The following NTM variants were observed in gnomAD, a reference collection of about 807,000 sequenced individuals.
NTM encodes the protein IgLON family member 2.
In NTM, 13 loss-of-function variants were observed where a neutral mutation model predicts 42.1. The observed-to-expected ratio is 0.31, with a 90% CI of 0.20 to 0.49. NTM has a LOEUF of 0.49. Among genes scored for constraint, NTM ranks in the 20% least tolerant of loss-of-function variants. The pLI, the probability that NTM is intolerant of heterozygous loss-of-function variation, is 0.99. For synonymous variants in NTM, 187 were observed against 179.2 expected (o/e 1.04, Z -0.35); for missense variants, 373 against 452.8 (o/e 0.82, Z 1.60).
intron 2 of NTM, among the ~76,000 whole-genome samples, chr11:132,089,546 C>T (rs1056944565): frequency 1.2e-4 from 18 of 152,154 alleles, no homozygotes; most frequent in African/African-American, 3.9e-4. Context: ...AATCATCAGT[C>T]TCTTCAATTA....
At chr11:131,897,989 A>C (rs2052570758) in intron 1 of NTM, among the ~76,000 whole-genome samples, 1 of 152,180 alleles carries the variant, frequency 6.6e-6, no homozygotes, top group Non-Finnish European at 1.5e-5. Flanking sequence ...TCATTTCTCA[A>C]ATATTTCGGA....
At chr11:131,757,114 G>A (rs781191920) in intron 1 of NTM, among the ~76,000 whole-genome samples, 1 of 152,176 alleles carries the variant, frequency 6.6e-6, no homozygotes, top group African/African-American at 2.4e-5. Flanking sequence ...CAAGGAAAGG[G>A]GCGTCATCTC....
intron 1 of NTM, among the ~76,000 whole-genome samples, chr11:131,833,520 T>C (rs2043089934): frequency 6.6e-6 from 1 of 152,188 alleles, no homozygotes; most frequent in African/African-American, 2.4e-5. Flanking sequence ...TGGAAGACAC[T>C]CATGGGGGAA....
At chr11:131,457,489 A>T (rs116767791) in intron 1 of NTM, among the ~76,000 whole-genome samples, 29 of 152,312 alleles carry the variant, frequency 1.9e-4, no homozygotes, top group Admixed American at 6.5e-4. Flanking sequence ...TCTTCCTCTG[A>T]GGAAGATGGG....
chr11:132,041,271 G>C (rs950177219), intron 2 of NTM, among the ~76,000 whole-genome samples: 2 of 151,618 alleles, frequency 1.3e-5, no homozygotes, highest in African/African-American at 4.8e-5. Flanking sequence ...GTGAGAAGTG[G>C]TTTGTTTTGG....
At chr11:131,425,829 T>A (rs1331500804) in intron 1 of NTM, among the ~76,000 whole-genome samples, 1 of 152,132 alleles carries the variant, frequency 6.6e-6, no homozygotes, top group Non-Finnish European at 1.5e-5. Flanking sequence ...TTTTGGTAGC[T>A]TAATGGGTCT....
At position 131,556,561 on chromosome 11, in the gene NTM, G is replaced by C. The variant is rs930026956; in HGVS notation, c.82+185673G>C. Among the ~76,000 whole-genome samples the C allele has an allele frequency of 3.0e-5, 4 of 133,760 alleles. No homozygotes were observed. In the East Asian group the frequency reaches 9.3e-4, roughly 31 times the overall value. The allele number at this position is 133,760 out of a possible 152,430, so 87.8% of individuals were successfully genotyped here. A position where few individuals can be genotyped will look rare whatever the true frequency, so the allele number is the denominator to read the frequency against. On this transcript the variant is annotated intron_variant, in intron 1 of 8. Coordinates refer to ENST00000683400, the MANE Select transcript of NTM (RefSeq NM_001352005.2). ...CCACATAATAGCACCTAACACATAG[G>C]AATTTTTTTTTTTTTTTTTTTTTTG...
intron 2 of NTM, among the ~76,000 whole-genome samples, chr11:132,100,962 A>G (rs2061552823): frequency 6.6e-6 from 1 of 152,242 alleles, no homozygotes; most frequent in African/African-American, 2.4e-5. Flanking sequence ...CAGGTGAAAC[A>G]ATAATGTAAT....
intron 3 of NTM, among the ~76,000 whole-genome samples, chr11:132,193,645 G>A (rs1172448990): frequency 6.6e-6 from 1 of 151,782 alleles, no homozygotes; most frequent in Non-Finnish European, 1.5e-5. Context: ...GATAACAGAA[G>A]AAAAGAAATA....
intron 1 of NTM, among the ~76,000 whole-genome samples, chr11:131,622,110 A>G (rs1443452311): frequency 6.6e-6 from 1 of 152,162 alleles, no homozygotes; most frequent in Non-Finnish European, 1.5e-5. Context: ...CCTGAGTGGG[A>G]GGATGGGGGG....
At chr11:131,880,806 T>TC (rs2137268586) in intron 1 of NTM, among the ~76,000 whole-genome samples, 1 of 152,184 alleles carries the variant, frequency 6.6e-6, no homozygotes, top group African/African-American at 2.4e-5. Context: ...TCACTCTTTT[T>TC]TTTTTTCTTT....
chr11:132,032,207 TG>T (rs1479698604), intron 2 of NTM, among the ~76,000 whole-genome samples: 1 of 152,184 alleles, frequency 6.6e-6, no homozygotes, highest in Non-Finnish European at 1.5e-5. Flanking sequence ...TCTCCCACTT[TG>T]GCTTCTGCAA....
intron 3 of NTM, among the ~76,000 whole-genome samples, chr11:132,149,406 C>T (rs1327476874): frequency 6.7e-6 from 1 of 150,286 alleles, no homozygotes; most frequent in Non-Finnish European, 1.5e-5. Flanking sequence ...TATTATGATC[C>T]TTTAAAAAAA....
intron 1 of NTM, among the ~76,000 whole-genome samples, chr11:131,778,798 C>G (rs1431564010): frequency 4.6e-5 from 7 of 152,134 alleles, no homozygotes; most frequent in Admixed American, 6.6e-5. Context: ...AGATGGCATC[C>G]AAGATCTTCA....
At position 132,073,968 on chromosome 11, in the gene NTM, G is replaced by C. The variant is rs140039940; in HGVS notation, c.168-72314G>C. The stretch of plus-strand genomic sequence containing the variant: ...AGGGGCTTCTTTCAGAACTTCTGGG[G>C]TTAACGTGGTTGGAATGTGTGCTAA... On this transcript the variant is annotated intron_variant, in intron 2 of 8. Transcript: ENST00000683400. Among the ~76,000 whole-genome samples the C allele has an allele frequency of 3.0e-3, 463 of 152,298 alleles. 3 individuals carry two copies. The highest frequency in any genetic ancestry group is 4.2e-3 in the Admixed American group (65 of 15,300).
At chr11:132,247,910 G>T (rs536137689) in intron 4 of NTM, among the ~76,000 whole-genome samples, 1 of 152,160 alleles carries the variant, frequency 6.6e-6, no homozygotes, top group African/African-American at 2.4e-5. Flanking sequence ...ATCTGAACTA[G>T]TTAACCCCTG....
intron 3 of NTM, among the ~76,000 whole-genome samples, chr11:132,151,240 G>A (rs10791215): frequency 0.19 from 29,024 of 152,160 alleles, 2,980 homozygotes; most frequent in South Asian, 0.25. Context: ...GGAAAACAGA[G>A]TGGATAAAAC....
At chr11:132,264,131 G>A (rs1486412473) in intron 4 of NTM, among the ~76,000 whole-genome samples, 1 of 152,154 alleles carries the variant, frequency 6.6e-6, no homozygotes, top group Admixed American at 6.5e-5. Flanking sequence ...AAACAGAAAT[G>A]TCTATTTTCC....
chr11:132,098,745 C>T (rs966009943), intron 2 of NTM, among the ~76,000 whole-genome samples: 1 of 152,210 alleles, frequency 6.6e-6, no homozygotes, highest in Non-Finnish European at 1.5e-5. Flanking sequence ...ATGTGAATTC[C>T]GTCAGGAGAT....
Sources: allele counts gnomAD v4.1 joint callset (sites outside exome capture counted in the v4.1 genomes callset), GRCh38; gene constraint gnomAD v4.1.1; transcripts MANE v1.5; gene names NCBI Gene and HGNC (gene_info 2026-07-23, HGNC 2026-07-21).